RASGRP3: variants seen among roughly 807,000 people sequenced by gnomAD.
The protein encoded by RASGRP3 is ras guanyl-releasing protein 3.
A neutral mutation model predicts 82.7 loss-of-function variants in RASGRP3; 54 were observed. The observed-to-expected ratio is 0.65, with a 90% confidence interval of 0.52 to 0.82. The LOEUF (loss-of-function observed/expected upper bound fraction) is 0.82. RASGRP3 is among the 40% of genes least tolerant of loss of function. The pLI, the probability that RASGRP3 is intolerant of heterozygous loss-of-function variation, is 0.00. For synonymous variants in RASGRP3, 309 were observed against 300.5 expected (o/e 1.03, Z -0.29); for missense variants, 861 against 828.9 (o/e 1.04, Z -0.48).
intron 1 of RASGRP3, among the ~76,000 whole-genome samples, chr2:33,445,145 C>G (rs1353863839): frequency 6.6e-6 from 1 of 152,220 alleles, no homozygotes; most frequent in Non-Finnish European, 1.5e-5. Flanking sequence ...CTTGGGGACT[C>G]TCATGCCAGT....
At chr2:33,516,838 G>A in intron 4 of RASGRP3, 194 bp downstream of exon 4, 2 of 434,206 alleles carry the variant, frequency 4.6e-6, no homozygotes, top group Non-Finnish European at 8.1e-6. Flanking sequence ...CCATCTGGAT[G>A]TTTTGGCTGT....
At chr2:33,551,664 C>T (rs918643370) in intron 14 of RASGRP3, among the ~76,000 whole-genome samples, 1 of 151,942 alleles carries the variant, frequency 6.6e-6, no homozygotes, top group African/African-American at 2.4e-5. Context: ...TAAAGAGACA[C>T]CTGCCACTGC....
chr2:33,524,564 T>C lies in RASGRP3; in HGVS notation c.807+16T>C. 1 of 1,527,020 alleles carries C rather than the reference T, an allele frequency of 6.5e-7. No homozygotes were observed. The highest frequency in any genetic ancestry group is 8.9e-7 in the Non-Finnish European group (1 of 1,122,856). 94.6% of individuals were successfully genotyped at this position (1,527,020 alleles called of 1,614,324 possible). On this transcript the variant is annotated intron_variant, in intron 9 of 17. Coordinates refer to ENST00000403687, the MANE Select transcript of RASGRP3 (RefSeq NM_001139488.2). Reference sequence around the variant, plus strand: ...AGTTACAAAGGTATAGTAGACTTGATCCTAATCAAAAGTAAAAAAATGCAT... The same window carrying C: ...AGTTACAAAGGTATAGTAGACTTGACCCTAATCAAAAGTAAAAAAATGCAT...
At chr2:33,445,656 T>C (rs945355475) in intron 1 of RASGRP3, among the ~76,000 whole-genome samples, 4 of 151,834 alleles carry the variant, frequency 2.6e-5, no homozygotes, top group Non-Finnish European at 4.4e-5. Flanking sequence ...GCATTTGAAA[T>C]TATTCAATGA....
At chr2:33,527,683 G>T (rs1171805020) in intron 10 of RASGRP3, among the ~76,000 whole-genome samples, 8 of 152,192 alleles carry the variant, frequency 5.3e-5, no homozygotes, top group Admixed American at 5.2e-4. Context: ...GGCTCCTCCA[G>T]ACTGTGCCTC....
intron 14 of RASGRP3, among the ~76,000 whole-genome samples, chr2:33,554,864 C>T (rs542796463): frequency 5.9e-5 from 9 of 152,286 alleles, no homozygotes; most frequent in Admixed American, 4.6e-4. Flanking sequence ...GGCAAACGCT[C>T]CCTCGTGGAA....
At chr2:33,504,353 C>T (rs1383899526) in intron 1 of RASGRP3, among the ~76,000 whole-genome samples, 1 of 152,104 alleles carries the variant, frequency 6.6e-6, no homozygotes, top group Non-Finnish European at 1.5e-5. Context: ...ACTTAATGGA[C>T]TCATTGGTTT....
intron 2 of RASGRP3, among the ~76,000 whole-genome samples, chr2:33,467,509 C>G (rs1666770012): frequency 6.6e-6 from 1 of 152,078 alleles, no homozygotes; most frequent in Non-Finnish European, 1.5e-5. Context: ...AGAGATTGCA[C>G]AAGATAGAAT....
intron 1 of RASGRP3, among the ~76,000 whole-genome samples, chr2:33,484,973 T>C (rs6707687): frequency 0.44 from 66,440 of 151,844 alleles, 15,398 homozygotes; most frequent in African/African-American, 0.59. Context: ...CTGAGGCAGG[T>C]GGATCACCTG....
At chr2:33,502,098 A>C (rs1669924383) in intron 1 of RASGRP3, among the ~76,000 whole-genome samples, 1 of 152,212 alleles carries the variant, frequency 6.6e-6, no homozygotes, top group African/African-American at 2.4e-5. Flanking sequence ...AGAGATGGCC[A>C]GTAGAGGGTT....
At chr2:33,537,827 C>T (rs1452066651) in intron 11 of RASGRP3, among the ~76,000 whole-genome samples, 2 of 152,158 alleles carry the variant, frequency 1.3e-5, no homozygotes, top group African/African-American at 4.8e-5. Context: ...GTTATCCAAG[C>T]ATGTTATGCA....
In RASGRP3 at chr2:33,521,823, A is replaced by G. The variant is rs1574412205; in HGVS notation, c.369-132A>G. 7.3e-6 allele frequency: 8 copies of G among 1,090,958 alleles called. No homozygotes were observed. The East Asian group carries it at 1.5e-4, about 20-fold the overall frequency. The allele number at this position is 1,090,958 out of a possible 1,614,324, so 67.6% of individuals were successfully genotyped here. A position where few individuals can be genotyped will look rare whatever the true frequency, so the allele number is the denominator to read the frequency against. On this transcript the variant is annotated intron_variant, in intron 6 of 17. Coordinates refer to ENST00000403687, the MANE Select transcript of RASGRP3 (RefSeq NM_001139488.2). ...CTGGTCAGTGGTTTTCTCTTCCAAT[A>G]TGAAAGACAGGGCATGTATTTTGCA... is the stretch of plus-strand genomic sequence containing the variant.
At chr2:33,518,135 G>A (rs1355435108) in intron 4 of RASGRP3, among the ~76,000 whole-genome samples, 1 of 152,066 alleles carries the variant, frequency 6.6e-6, no homozygotes, top group African/African-American at 2.4e-5. Flanking sequence ...TTCATCATTC[G>A]ATGATTTCAT....
At chr2:33,519,856 G>C (rs1331876247) in intron 4 of RASGRP3, 96 bp from the exon 5 acceptor site, 3 of 803,522 alleles carry the variant, frequency 3.7e-6, no homozygotes, top group Non-Finnish European at 4.1e-6. Context: ...CCCCAGCATG[G>C]TCCTCTTATT....
chr2:33,474,397 G>T (rs1313229393), upstream of RASGRP3, among the ~76,000 whole-genome samples: 1 of 152,176 alleles, frequency 6.6e-6, no homozygotes, highest in Non-Finnish European at 1.5e-5. Context: ...GTGCAGTGCA[G>T]TGGTGCGGTC....
At chr2:33,453,843 T>G (rs1451937532) in intron 2 of RASGRP3, among the ~76,000 whole-genome samples, 1 of 152,252 alleles carries the variant, frequency 6.6e-6, no homozygotes, top group Non-Finnish European at 1.5e-5. Flanking sequence ...AAAAGTTTTT[T>G]ATGATAAACA....
At chr2:33,484,600 A>G (rs1376809718) in intron 1 of RASGRP3, among the ~76,000 whole-genome samples, 1 of 151,934 alleles carries the variant, frequency 6.6e-6, no homozygotes, top group Non-Finnish European at 1.5e-5. Context: ...TTTCTCTGTA[A>G]TCCATTTCTC....
At chr2:33,453,345 G>A (rs1362519706) in intron 2 of RASGRP3, among the ~76,000 whole-genome samples, 1 of 152,152 alleles carries the variant, frequency 6.6e-6, no homozygotes, top group East Asian at 1.9e-4. Flanking sequence ...TCTTGAGAAG[G>A]TACATTCATG....
intron 2 of RASGRP3, among the ~76,000 whole-genome samples, chr2:33,470,838 C>G (rs940282608): frequency 3.9e-5 from 6 of 152,028 alleles, no homozygotes; most frequent in African/African-American, 1.4e-4. Flanking sequence ...TATTTAGAAG[C>G]AAATTTTAGT....
Sources: allele counts gnomAD v4.1 joint callset (sites outside exome capture counted in the v4.1 genomes callset), GRCh38; gene constraint gnomAD v4.1.1; transcripts MANE v1.5; gene names NCBI Gene and HGNC (gene_info 2026-07-23, HGNC 2026-07-21).